RERE: variants seen among roughly 807,000 people sequenced by gnomAD.
RERE encodes arginine-glutamic acid dipeptide repeats protein.
A neutral mutation model predicts 146.1 loss-of-function variants in RERE; 40 were observed. That is an observed-to-expected ratio of 0.27 (90% CI 0.21 to 0.36). RERE has a LOEUF of 0.36. Among genes scored for constraint, RERE ranks in the 10% least tolerant of loss-of-function variants. The pLI, the probability that RERE is intolerant of heterozygous loss-of-function variation, is 1.00. For synonymous variants in RERE, 1,003 were observed against 866.0 expected, an observed-to-expected ratio of 1.16 and a Z score of -2.78; for missense variants, 1,933 against 2,138.7, an observed-to-expected ratio of 0.90 and a Z score of 1.90.
intron 1 of RERE, among the ~76,000 whole-genome samples, chr1:8,670,972 G>A (rs1299661273): frequency 1.3e-5 from 2 of 152,142 alleles, no homozygotes; most frequent in East Asian, 3.8e-4. Context: ...AGCGCACGTG[G>A]TGTGAGAAAA....
chr1:8,659,893 G>A (rs1007029894), intron 1 of RERE, among the ~76,000 whole-genome samples: 1 of 152,172 alleles, frequency 6.6e-6, no homozygotes, highest in Non-Finnish European at 1.5e-5. Context: ...AGAAAATAGA[G>A]TTGTTTCTGC....
At chr1:8,526,729 AC>A (rs1484010796) in intron 7 of RERE, among the ~76,000 whole-genome samples, 1 of 152,250 alleles carries the variant, frequency 6.6e-6, no homozygotes, top group Non-Finnish European at 1.5e-5. Flanking sequence ...TCTAATTCTA[AC>A]AATTAGAAAG....
intron 10 of RERE, among the ~76,000 whole-genome samples, chr1:8,480,925 C>A (rs1208078922): frequency 6.6e-6 from 1 of 152,120 alleles, no homozygotes. Context: ...AAAAAATCAT[C>A]TGATAAAGAA....
intron 11 of RERE, among the ~76,000 whole-genome samples, chr1:8,461,913 C>A (rs528790895): frequency 1.3e-5 from 2 of 152,080 alleles, no homozygotes; most frequent in African/African-American, 4.8e-5. Flanking sequence ...GCCATGATCA[C>A]GGCTCACTGC....
rs189695610 is a variant in RERE at position 8,388,090 on chromosome 1, C to T, written c.1285-22116G>A. 3.8e-3 allele frequency among the ~76,000 whole-genome samples: 578 copies of T among 152,234 alleles called. 2 individuals are homozygous for T. The highest frequency in any genetic ancestry group is 6.8e-3 in the Middle Eastern group (2 of 294). ...TACCACAGGATGCAGAGCTGCCTCT[C>T]GGGATAAAGGGGAATGAAAACAGCA... On this transcript the variant is annotated intron_variant, in intron 12 of 22. Coordinates refer to ENST00000400908, the MANE Select transcript of RERE (RefSeq NM_001042681.2).
At chr1:8,599,836 C>T (rs1181439735) in intron 4 of RERE, among the ~76,000 whole-genome samples, 1 of 152,194 alleles carries the variant, frequency 6.6e-6, no homozygotes, top group Non-Finnish European at 1.5e-5. Context: ...GCCTTTTCTG[C>T]CATGCAATCC....
chr1:8,395,253 A>G (rs1444137676), intron 12 of RERE, among the ~76,000 whole-genome samples: 1 of 152,116 alleles, frequency 6.6e-6, no homozygotes. Flanking sequence ...AGGCGGGTGG[A>G]TCACAAGGTC....
chr1:8,461,820 T>C (rs1256871056), intron 11 of RERE, among the ~76,000 whole-genome samples: 1 of 152,110 alleles, frequency 6.6e-6, no homozygotes, highest in East Asian at 1.9e-4. Flanking sequence ...GTTTAATGTG[T>C]GAGCTTTTTC....
Position 8,358,106 on chromosome 1 carries a change from C to G in RERE, c.4339+90G>C, listed in dbSNP as rs997180867. On this transcript the variant is annotated intron_variant, in intron 20 of 22. Transcript: ENST00000400908. ...GATGAGGGATCTGTTCAGAAAAGAA[C>G]AGTTTCCGCTCCTGGATGGTGACTG... The G allele has an allele frequency of 1.3e-5, 19 of 1,510,744 alleles. No individual in the cohort carries two copies. In the Admixed American group the frequency reaches 4.0e-4, roughly 32 times the overall value. 93.6% of individuals were successfully genotyped at this position (1,510,744 alleles called of 1,614,324 possible). A position where few individuals can be genotyped will look rare whatever the true frequency, so the allele number is the denominator to read the frequency against.
At chr1:8,439,890 C>T (rs1435969597) in intron 11 of RERE, among the ~76,000 whole-genome samples, 1 of 151,864 alleles carries the variant, frequency 6.6e-6, no homozygotes. Context: ...CTGGCCAACA[C>T]AGTGAAACCC....
At chr1:8,750,809 G>C in intron 1 of RERE, 1 of 819,906 alleles carries the variant, frequency 1.2e-6, no homozygotes, top group Non-Finnish European at 2.1e-6. Flanking sequence ...GCTCAACAAG[G>C]CTTCAATTAA....
intron 3 of RERE, among the ~76,000 whole-genome samples, chr1:8,615,202 C>A (rs376150710): frequency 3.9e-4 from 60 of 152,222 alleles, no homozygotes; most frequent in African/African-American, 1.4e-3. Flanking sequence ...TCAAGTTTAA[C>A]TGTATAAAGC....
intron 2 of RERE, among the ~76,000 whole-genome samples, chr1:8,649,101 C>A (rs2124311772): frequency 6.6e-6 from 1 of 152,226 alleles, no homozygotes; most frequent in South Asian, 2.1e-4. Flanking sequence ...CCACCTACAG[C>A]AAACTCCAGA....
intron 7 of RERE, among the ~76,000 whole-genome samples, chr1:8,524,100 A>G (rs899955085): frequency 6.6e-6 from 1 of 152,188 alleles, no homozygotes; most frequent in Non-Finnish European, 1.5e-5. Context: ...AGGAAGGAAG[A>G]GCAATGGTGC....
intron 1 of RERE, among the ~76,000 whole-genome samples, chr1:8,699,461 T>A (rs941623919): frequency 2.6e-5 from 4 of 152,234 alleles, no homozygotes; most frequent in Non-Finnish European, 5.9e-5. Context: ...TTATTCTGTT[T>A]TATTACAAAT....
At chr1:8,426,281 C>A (rs301808) in intron 11 of RERE, among the ~76,000 whole-genome samples, 10 of 151,716 alleles carry the variant, frequency 6.6e-5, no homozygotes, top group South Asian at 4.2e-4. Context: ...AGTGAAACCC[C>A]GTCTCTACTA....
At chr1:8,483,188 C>A (rs921695686) in intron 10 of RERE, among the ~76,000 whole-genome samples, 1 of 152,138 alleles carries the variant, frequency 6.6e-6, no homozygotes, top group African/African-American at 2.4e-5. Context: ...ACAAGAAAAC[C>A]CAACATCTTA....
chr1:8,565,930 C>T (rs941216492), intron 4 of RERE, among the ~76,000 whole-genome samples: 1 of 152,136 alleles, frequency 6.6e-6, no homozygotes, highest in African/African-American at 2.4e-5. Flanking sequence ...AATACTGACT[C>T]CACAGACTCT....
At position 8,423,720 on chromosome 1, in the gene RERE, G is replaced by A; in HGVS notation, c.1204-913C>T. The A allele has an allele frequency of 1.0e-6, 1 of 979,464 alleles. No homozygotes were observed. The highest frequency in any genetic ancestry group is 1.8e-5 in the African/African-American group (1 of 56,772). 60.7% of individuals were successfully genotyped at this position (979,464 alleles called of 1,614,324 possible). On this transcript the variant is annotated intron_variant, in intron 11 of 22. Transcript: ENST00000400908. The surrounding 1 kb of genome is among the most constrained non-coding windows in gnomAD (Gnocchi z 5.4). ...GGTGGCTCGGCGTGTGACCGCGGCG[G>A]GGCCGCGCGGCGCGGGGCCCGGGGG...
Sources: allele counts gnomAD v4.1 joint callset (sites outside exome capture counted in the v4.1 genomes callset), GRCh38; gene constraint gnomAD v4.1.1; non-coding constraint Gnocchi (gnomAD v3.1); transcripts MANE v1.5; gene names NCBI Gene and HGNC (gene_info 2026-07-23, HGNC 2026-07-21).